The following NCK1 variants were observed in gnomAD, a reference collection of about 807,000 sequenced individuals.
NCK1 encodes NCK adaptor protein 1, also known as SH2/SH3 adapter protein NCK1.
NCK1 carries 19 observed loss-of-function variants against 36.6 expected under a neutral mutation model. The observed-to-expected ratio is 0.52, with a 90% CI of 0.36 to 0.76. The LOEUF is 0.76. Ranked by LOEUF, NCK1 falls within the 30% of genes least tolerant of loss-of-function variation. The pLI is 0.00. For missense variants in NCK1, 358 were observed against 445.6 expected, an observed-to-expected ratio of 0.80 and a Z score of 1.77; for synonymous variants, 165 against 156.0, an observed-to-expected ratio of 1.06 and a Z score of -0.43.
At chr3:136,935,428 AC>A (rs1008241246) in intron 2 of NCK1, among the ~76,000 whole-genome samples, 1 of 151,464 alleles carries the variant, frequency 6.6e-6, no homozygotes, top group Non-Finnish European at 1.5e-5. Flanking sequence ...ACTCAATTTG[AC>A]ATTTATTGAG....
chr3:136,886,683 C>T (rs1188417011), intron 1 of NCK1, among the ~76,000 whole-genome samples: 1 of 152,068 alleles, frequency 6.6e-6, no homozygotes, highest in African/African-American at 2.4e-5. Flanking sequence ...AATGAGAGAC[C>T]TGTGAACACA....
intron 1 of NCK1, among the ~76,000 whole-genome samples, chr3:136,903,723 G>A (rs1687394612): frequency 6.6e-6 from 1 of 152,004 alleles, no homozygotes; most frequent in African/African-American, 2.4e-5. Flanking sequence ...CACCGCGCCT[G>A]GCCAAATTAG....
At chr3:136,902,862 G>A (rs2108102309) in intron 1 of NCK1, among the ~76,000 whole-genome samples, 1 of 152,336 alleles carries the variant, frequency 6.6e-6, no homozygotes, top group Non-Finnish European at 1.5e-5. Context: ...CAGTAAAGTT[G>A]CAGGACAAAA....
chr3:136,941,210 C>A (rs1450923417), intron 2 of NCK1, among the ~76,000 whole-genome samples: 3 of 149,526 alleles, frequency 2.0e-5, no homozygotes, highest in Non-Finnish European at 4.4e-5. Context: ...ACTGCAACCT[C>A]TGCCTCCCAG....
intron 1 of NCK1, among the ~76,000 whole-genome samples, chr3:136,908,386 T>C (rs1939741705): frequency 6.6e-6 from 1 of 152,218 alleles, no homozygotes. Context: ...TAAAGCCTTG[T>C]TCAAAAAATG....
chr3:136,933,283 T>G (rs1444578414), intron 2 of NCK1, among the ~76,000 whole-genome samples: 1 of 152,232 alleles, frequency 6.6e-6, no homozygotes, highest in Non-Finnish European at 1.5e-5. Flanking sequence ...TGATAGATAT[T>G]CTTTAACAAT....
At position 136,951,223 on chromosome 3, in the gene NCK1, G is replaced by T. The variant is rs942678626; in HGVS notation, c.*2770G>T. 6.6e-6 allele frequency among the ~76,000 whole-genome samples: 1 copy of T among 152,170 alleles called. No individual in the cohort carries two copies. Among genetic ancestry groups the T allele is most frequent in the Admixed American group, 6.5e-5 (1 of 15,274 alleles). On this transcript the variant is annotated 3_prime_UTR_variant, in exon 4 of 4. Transcript: ENST00000481752. Reference sequence around the variant, plus strand: ...ATAATCCAGAGGTTGCATAGAAGCAGAGTTGTCACAGTCTCTGTAGCACGT... The same window carrying T: ...ATAATCCAGAGGTTGCATAGAAGCATAGTTGTCACAGTCTCTGTAGCACGT...
At chr3:136,918,859 T>C (rs186507255) in intron 1 of NCK1, among the ~76,000 whole-genome samples, 8 of 152,334 alleles carry the variant, frequency 5.3e-5, no homozygotes, top group African/African-American at 9.6e-5. Flanking sequence ...TAAAGTGATA[T>C]ATATTCAGTG....
intron 1 of NCK1, among the ~76,000 whole-genome samples, chr3:136,909,422 G>T (rs1939777225): frequency 6.6e-6 from 1 of 152,218 alleles, no homozygotes. Flanking sequence ...ATGATATTCT[G>T]TTGAGGTGCC....
chr3:136,930,383 A>G, intron 2 of NCK1: 1 of 1,122,566 alleles, frequency 8.9e-7, no homozygotes, highest in East Asian at 3.3e-5. Flanking sequence ...TATAATTTAG[A>G]GGAAAAAAAA....
At chr3:136,925,676 G>A (rs1374614610) in intron 1 of NCK1, among the ~76,000 whole-genome samples, 1 of 152,094 alleles carries the variant, frequency 6.6e-6, no homozygotes, top group Non-Finnish European at 1.5e-5. Flanking sequence ...GATTCATCCA[G>A]GTCGTTTTGT....
intron 1 of NCK1, among the ~76,000 whole-genome samples, chr3:136,876,126 C>A (rs1255964345): frequency 6.7e-6 from 1 of 150,058 alleles, no homozygotes; most frequent in Non-Finnish European, 1.5e-5. Flanking sequence ...ACACAACATA[C>A]CAGAATCTCT....
intron 1 of NCK1, among the ~76,000 whole-genome samples, chr3:136,883,521 A>C (rs1938999579): frequency 6.6e-6 from 1 of 152,112 alleles, no homozygotes; most frequent in Non-Finnish European, 1.5e-5. Flanking sequence ...TTATGGTAGC[A>C]CTGTGTTAAT....
At chr3:136,893,725 A>G (rs1227502930) in intron 1 of NCK1, among the ~76,000 whole-genome samples, 5 of 152,208 alleles carry the variant, frequency 3.3e-5, no homozygotes, top group African/African-American at 4.8e-5. Context: ...CTTAAACCCT[A>G]CATTGATTCT....
chr3:136,942,692 G>A (rs550324003), intron 2 of NCK1, among the ~76,000 whole-genome samples: 6 of 152,278 alleles, frequency 3.9e-5, no homozygotes, highest in South Asian at 4.1e-4. Flanking sequence ...CCATGTGCAC[G>A]TCCTTCTTGA....
At chr3:136,891,766 GTTTTGATTTGGA>G (rs1939252394) in intron 1 of NCK1, among the ~76,000 whole-genome samples, 1 of 151,956 alleles carries the variant, frequency 6.6e-6, no homozygotes, top group Non-Finnish European at 1.5e-5. Context: ...TATTATTGTG[GTTTTGATTTGGA>G]TTTTTCTAAG....
chr3:136,863,506 A>G (rs1452459849), intron 1 of NCK1, among the ~76,000 whole-genome samples: 1 of 152,182 alleles, frequency 6.6e-6, no homozygotes, highest in African/African-American at 2.4e-5. Flanking sequence ...AGTCTGTGAT[A>G]TTCTTAAATA....
rs1007021330 is a variant in NCK1 at position 136,950,569 on chromosome 3, A to G, written c.*2116A>G. 1.3e-5 allele frequency among the ~76,000 whole-genome samples: 2 copies of G among 152,212 alleles called. No individual in the cohort carries two copies. The highest frequency in any genetic ancestry group is 4.8e-5 in the African/African-American group (2 of 41,466). On this transcript the variant is annotated 3_prime_UTR_variant, in exon 4 of 4. Coordinates refer to ENST00000481752, the MANE Select transcript of NCK1 (RefSeq NM_001291999.2). ...TTTAAAAAGTCTTAATCCAATGCTT[A>G]TACCAGTGACTGTTTTTATAATACT...
chr3:136,945,688 C>T lies in NCK1; in HGVS notation c.332C>T (p.Ala111Val). 6.2e-7 allele frequency: 1 copy of T among 1,614,064 alleles called. No individual in the cohort carries two copies. ...GERLYDLNMP[A>V]YVKFNYMAER... is the part of the protein sequence containing the mutation. ...CGTCTCTATGACCTCAACATGCCCG[C>T]TTATGTGAAATTTAACTACATGGCT... The change falls in exon 3 of 4, where the codon GCT becomes GTT. Residue 111 changes from alanine (A) to valine (V), a missense_variant. Transcript: ENST00000481752.
Sources: allele counts gnomAD v4.1 joint callset (sites outside exome capture counted in the v4.1 genomes callset), GRCh38; gene constraint gnomAD v4.1.1; transcripts MANE v1.5; gene names NCBI Gene and HGNC (gene_info 2026-07-23, HGNC 2026-07-21).